DAB2: variants seen among roughly 807,000 people sequenced by gnomAD.
DAB2 encodes DAB adaptor protein 2.
DAB2 carries 28 observed loss-of-function variants against 71.6 expected under a neutral mutation model. The ratio of observed to expected loss-of-function variants is 0.39; its 90% CI spans 0.29 to 0.54. The LOEUF is 0.54. Ranked by LOEUF, DAB2 falls within the 20% of genes least tolerant of loss-of-function variation. The pLI, the probability that DAB2 is intolerant of heterozygous loss-of-function variation, is 0.68. For synonymous variants in DAB2, 345 were observed against 339.7 expected, an observed-to-expected ratio of 1.02 and a Z score of -0.17; for missense variants, 867 against 928.8, an observed-to-expected ratio of 0.93 and a Z score of 0.86.
intron 4 of DAB2, among the ~76,000 whole-genome samples, chr5:39,391,982 AT>A (rs1183940495): frequency 7.6e-6 from 1 of 131,890 alleles, no homozygotes; most frequent in East Asian, 2.1e-4. Context: ...AAAAAAAAAA[AT>A]ATATATATAT....
At chr5:39,389,960 G>A (rs746543741) in intron 5 of DAB2, 28 bp from the exon 6 acceptor site, 2 of 1,393,012 alleles carry the variant, frequency 1.4e-6, no homozygotes, top group Admixed American at 2.3e-5. Flanking sequence ...ACTGTTATCC[G>A]TATTTTAATT....
At chr5:39,390,941 A>G (rs1021799318) in intron 4 of DAB2, among the ~76,000 whole-genome samples, 9 of 152,190 alleles carry the variant, frequency 5.9e-5, no homozygotes, top group African/African-American at 2.2e-4. Flanking sequence ...CTCAAAGACA[A>G]ACTTAAAAGA....
chr5:39,417,057 CT>C (rs987363348), intron 1 of DAB2: 1 of 151,956 alleles, frequency 6.6e-6, no homozygotes, highest in Non-Finnish European at 1.5e-5. Flanking sequence ...GACGGATCTG[CT>C]TGGCAAACAC....
chr5:39,376,072 C>T lies in DAB2; in HGVS notation c.2172G>A (p.Leu724=). 6.2e-7 allele frequency: 1 copy of T among 1,613,974 alleles called. No homozygotes were observed. The highest frequency in any genetic ancestry group is 8.5e-7 in the Non-Finnish European group (1 of 1,179,958). Residue 724 remains leucine, a synonymous_variant, in exon 13 of 15, where the codon CTG becomes CTA. Transcript: ENST00000320816. ...PPKPAPRQVS[L]PVTKSTDNAF... ...CATTGTCAGTAGATTTGGTAACTGG[C>T]AGGGAAACTTGTCTGGGAGCTGGCT...
At chr5:39,396,396 A>G (rs1755371440) in intron 1 of DAB2, among the ~76,000 whole-genome samples, 1 of 152,124 alleles carries the variant, frequency 6.6e-6, no homozygotes, top group Admixed American at 6.5e-5. Flanking sequence ...TGGTTTACAC[A>G]CAAGTCTATT....
chr5:39,416,703 C>G (rs963463381), intron 1 of DAB2, among the ~76,000 whole-genome samples: 3 of 152,090 alleles, frequency 2.0e-5, no homozygotes, highest in African/African-American at 7.2e-5. Flanking sequence ...TTACCGGCCT[C>G]TTACCAGCCA....
chr5:39,375,940 G>C, intron 13 of DAB2, 57 bp downstream of exon 13: 2 of 1,246,488 alleles, frequency 1.6e-6, no homozygotes, highest in East Asian at 2.3e-5. Context: ...AATTCAGGAG[G>C]CTGGAGCTCT....
intron 4 of DAB2, 145 bp from the exon 5 acceptor site, chr5:39,390,720 G>T: frequency 3.5e-6 from 2 of 573,102 alleles, no homozygotes; most frequent in Non-Finnish European, 3.0e-6. Flanking sequence ...CTGGTTGAAG[G>T]CTAGAGCATT....
intron 10 of DAB2, 99 bp from the exon 11 acceptor site, chr5:39,381,715 C>A: frequency 1.5e-6 from 2 of 1,364,224 alleles, no homozygotes; most frequent in South Asian, 1.5e-5. Flanking sequence ...TTGAGAGCCA[C>A]AAAAAGGAAA....
Position 39,376,802 on chromosome 5 carries a change from T to TGCC in DAB2, c.1982_1984dup (p.Arg661dup). ...CTTCCGCGCGGGCACAGCAGGTGGCTGCCGCAGTTGGAAATCCTTAAACAT... is the reference window on the plus strand; with the variant it reads ...CTTCCGCGCGGGCACAGCAGGTGGCTGCCGCCGCAGTTGGAAATCCTTAAACAT... On this transcript the variant is annotated inframe_insertion, in exon 12 of 15. Coordinates refer to ENST00000320816, the MANE Select transcript of DAB2 (RefSeq NM_001343.4). 6.2e-7 allele frequency: 1 copy of TGCC among 1,614,162 alleles called. No individual in the cohort carries two copies. The highest frequency in any genetic ancestry group is 1.1e-5 in the South Asian group (1 of 91,084).
At chr5:39,400,400 G>A (rs2548569) in intron 1 of DAB2, among the ~76,000 whole-genome samples, 1 of 151,954 alleles carries the variant, frequency 6.6e-6, no homozygotes, top group Non-Finnish European at 1.5e-5. Flanking sequence ...GCCTGGCTAA[G>A]TTTTTGTATT....
In DAB2 at chr5:39,389,927, T is replaced by G; in HGVS notation, c.468A>C (p.Glu156Asp). 6.3e-7 allele frequency: 1 copy of G among 1,587,130 alleles called. No individual in the cohort carries two copies. Among genetic ancestry groups the G allele is most frequent in the Non-Finnish European group, 8.6e-7 (1 of 1,164,824 alleles). The change falls in exon 6 of 15, where the codon GAA (glutamate) becomes GAC (aspartate). Residue 156 changes from glutamate (E) to aspartate (D), a missense_variant. Physicochemically the swap from Glu to Asp is conservative, Grantham distance 45. This residue lies in a region of DAB2 where 740 missense variants were observed against 734.3 expected (regional missense o/e 1.01). Coordinates refer to ENST00000320816, the MANE Select transcript of DAB2 (RefSeq NM_001343.4). ...GGTCTTTAAGATCAACAACTAATGG[T>G]TCAGCCTGCAGTAAGGGAAAGCACT... ...FFAIKTGQQA[E>D]PLVVDLKDLF...
At chr5:39,377,814 A>G (rs749092472) in intron 11 of DAB2, among the ~76,000 whole-genome samples, 5 of 152,212 alleles carry the variant, frequency 3.3e-5, no homozygotes, top group Admixed American at 6.5e-5. Flanking sequence ...ACATGTGCAC[A>G]AGACCTCAAC....
chr5:39,410,333 G>T (rs1293761106), intron 1 of DAB2, among the ~76,000 whole-genome samples: 2 of 152,022 alleles, frequency 1.3e-5, no homozygotes, highest in Non-Finnish European at 2.9e-5. Flanking sequence ...TTTCCCAAAG[G>T]CAACATCATA....
chr5:39,391,965 CAAAAAAAAA>C (rs10708821), intron 4 of DAB2, among the ~76,000 whole-genome samples: 1 of 141,480 alleles, frequency 7.1e-6, no homozygotes, highest in Non-Finnish European at 1.5e-5. Flanking sequence ...TACCCGAGGT[CAAAAAAAAA>C]AAAAAAAATA....
At chr5:39,375,839 T>C (rs913354780) in intron 13 of DAB2, among the ~76,000 whole-genome samples, 158 bp downstream of exon 13, 8 of 152,058 alleles carry the variant, frequency 5.3e-5, no homozygotes, top group Non-Finnish European at 1.2e-4. Context: ...TGAGCTGAGA[T>C]TGCACCACTG....
chr5:39,394,565 T>C (rs62358413), intron 1 of DAB2, 144 bp from the exon 2 acceptor site: 13,379 of 485,818 alleles, frequency 0.028, 274 homozygotes, highest in South Asian at 0.054. Context: ...GACTGAAGAC[T>C]GAAAGCAGGG....
At chr5:39,416,503 C>CTA (rs1441746076) in intron 1 of DAB2, among the ~76,000 whole-genome samples, 1 of 152,168 alleles carries the variant, frequency 6.6e-6, no homozygotes, top group East Asian at 1.9e-4. Context: ...AGGCTGTGGA[C>CTA]TATACATATA....
chr5:39,421,922 T>C (rs1349090828), intron 1 of DAB2, among the ~76,000 whole-genome samples: 1 of 149,018 alleles, frequency 6.7e-6, no homozygotes, highest in East Asian at 2.0e-4. Context: ...AAAAAAATAT[T>C]ATCCAGGTAT....
Sources: allele counts gnomAD v4.1 joint callset (sites outside exome capture counted in the v4.1 genomes callset), GRCh38; gene constraint gnomAD v4.1.1; regional missense constraint gnomAD v4.1.1; transcripts MANE v1.5; gene names NCBI Gene and HGNC (gene_info 2026-07-23, HGNC 2026-07-21).